The following PPP1R12B variants were observed in gnomAD, a reference collection of about 807,000 sequenced individuals.
PPP1R12B encodes myosin phosphatase target subunit 2.
Under a neutral mutation model 126.1 loss-of-function variants are expected in PPP1R12B, and 76 were observed. The observed-to-expected ratio is 0.60, with a 90% CI of 0.50 to 0.73. The LOEUF is 0.73. PPP1R12B is among the 30% of genes least tolerant of loss of function. The pLI, the probability that PPP1R12B is intolerant of heterozygous loss-of-function variation, is 0.00. For missense variants in PPP1R12B, 1,052 were observed against 1,205.1 expected, an observed-to-expected ratio of 0.87 and a Z score of 1.88; for synonymous variants, 356 against 434.7, an observed-to-expected ratio of 0.82 and a Z score of 2.25.
intron 18 of PPP1R12B, among the ~76,000 whole-genome samples, chr1:202,550,775 C>T (rs1686224872): frequency 1.3e-5 from 2 of 152,118 alleles, no homozygotes; most frequent in Admixed American, 6.5e-5. Flanking sequence ...GTGAAAGGCT[C>T]GATGGAAAAT....
chr1:202,464,921 G>C (rs746311506), intron 13 of PPP1R12B, among the ~76,000 whole-genome samples: 1 of 152,130 alleles, frequency 6.6e-6, no homozygotes. Flanking sequence ...GTTTAGGTAG[G>C]TATATTAAGA....
intron 13 of PPP1R12B, among the ~76,000 whole-genome samples, chr1:202,468,419 A>G (rs569689019): frequency 2.1e-4 from 32 of 152,196 alleles, no homozygotes; most frequent in African/African-American, 7.5e-4. Context: ...TAAGGAAGGG[A>G]TCCAGTTTCA....
At chr1:202,566,360 G>A (rs184031072) in intron 21 of PPP1R12B, among the ~76,000 whole-genome samples, 63 of 152,282 alleles carry the variant, frequency 4.1e-4, no homozygotes, top group African/African-American at 1.4e-3. Context: ...ATAAGAAATG[G>A]TGCTGCTACA....
At chr1:202,464,135 A>G (rs1674679060) in intron 13 of PPP1R12B, among the ~76,000 whole-genome samples, 1 of 152,160 alleles carries the variant, frequency 6.6e-6, no homozygotes. Flanking sequence ...TAAAACTAGT[A>G]TTCTGTCTTC....
At chr1:202,385,135 G>T (rs182299906) in intron 1 of PPP1R12B, among the ~76,000 whole-genome samples, 391 of 152,292 alleles carry the variant, frequency 2.6e-3, no homozygotes, top group Non-Finnish European at 4.4e-3. Context: ...TTTGGGGTTT[G>T]TGCATGACCA....
intron 13 of PPP1R12B, among the ~76,000 whole-genome samples, chr1:202,478,773 T>G (rs866437303): frequency 3.3e-5 from 5 of 152,302 alleles, no homozygotes; most frequent in South Asian, 2.1e-4. Context: ...AAAAGCAGTG[T>G]GATTTCACAT....
At chr1:202,403,794 T>C (rs1666183841) in intron 1 of PPP1R12B, among the ~76,000 whole-genome samples, 1 of 152,230 alleles carries the variant, frequency 6.6e-6, no homozygotes, top group Non-Finnish European at 1.5e-5. Context: ...TAAGACTTCC[T>C]TATATTCCCT....
chr1:202,460,797 A>G (rs1212991012), intron 13 of PPP1R12B, among the ~76,000 whole-genome samples: 1 of 152,216 alleles, frequency 6.6e-6, no homozygotes, highest in Non-Finnish European at 1.5e-5. Context: ...ACTCTGAACA[A>G]TTCTGGAATA....
intron 9 of PPP1R12B, among the ~76,000 whole-genome samples, chr1:202,436,453 A>G (rs1267614211): frequency 2.0e-5 from 3 of 152,072 alleles, no homozygotes; most frequent in Non-Finnish European, 4.4e-5. Context: ...GAAAATCTAT[A>G]TGTGAGTTGG....
At chr1:202,574,595 AC>A (rs1291143393) in intron 23 of PPP1R12B, among the ~76,000 whole-genome samples, 1 of 152,206 alleles carries the variant, frequency 6.6e-6, no homozygotes, top group Non-Finnish European at 1.5e-5. Context: ...ATTTAAGAAC[AC>A]ACCAAGTCCT....
At chr1:202,571,623 T>G (rs565960578) in intron 23 of PPP1R12B, among the ~76,000 whole-genome samples, 66 of 152,306 alleles carry the variant, frequency 4.3e-4, no homozygotes, top group African/African-American at 1.6e-3. Flanking sequence ...CCAGTTAATT[T>G]TTTTGTATTT....
chr1:202,369,038 G>C (rs1659773113), intron 1 of PPP1R12B, among the ~76,000 whole-genome samples: 1 of 152,180 alleles, frequency 6.6e-6, no homozygotes, highest in African/African-American at 2.4e-5. Flanking sequence ...TTTAGACACA[G>C]AGAATTCTAA....
intron 18 of PPP1R12B, among the ~76,000 whole-genome samples, chr1:202,528,678 T>C (rs1397207682): frequency 6.6e-6 from 1 of 152,176 alleles, no homozygotes; most frequent in Non-Finnish European, 1.5e-5. Context: ...TCCCCATAGC[T>C]GGCTGAAGAA....
In PPP1R12B at chr1:202,421,639, C is replaced by CA. The variant is rs573505484; in HGVS notation, c.423-970dup. Among the ~76,000 whole-genome samples the CA allele has an allele frequency of 9.7e-3, 1,050 of 108,008 alleles. 10 individuals are homozygous for CA. The highest frequency in any genetic ancestry group is 0.059 in the Middle Eastern group (11 of 188). The allele number at this position is 108,008 out of a possible 152,430, so 70.9% of individuals were successfully genotyped here. Reference sequence around the variant, plus strand: ...TGAGTGACAGACCAAGACTCTGTCTCAAAAAAAAAAACAAAAAAAAAAGGG... The same window carrying CA: ...TGAGTGACAGACCAAGACTCTGTCTCAAAAAAAAAAAACAAAAAAAAAAGGG... On this transcript the variant is annotated intron_variant, in intron 2 of 23. Transcript: ENST00000608999.
intron 5 of PPP1R12B, among the ~76,000 whole-genome samples, chr1:202,427,428 A>G (rs1669680281): frequency 6.6e-6 from 1 of 152,160 alleles, no homozygotes; most frequent in Non-Finnish European, 1.5e-5. Context: ...AACAGGAAAA[A>G]AATATATTTG....
chr1:202,392,871 T>A (rs1664348732), intron 1 of PPP1R12B, among the ~76,000 whole-genome samples: 1 of 152,126 alleles, frequency 6.6e-6, no homozygotes, highest in African/African-American at 2.4e-5. Context: ...TAAAATTGAC[T>A]GTGGTGATGG....
At chr1:202,569,082 G>T in intron 22 of PPP1R12B, 65 bp from the exon 23 acceptor site, 1 of 1,538,364 alleles carries the variant, frequency 6.5e-7, no homozygotes, top group South Asian at 1.1e-5. Flanking sequence ...ACAGCAGCTG[G>T]GAGGCAGCAT....
chr1:202,568,547 C>T (rs1394696713), intron 22 of PPP1R12B, among the ~76,000 whole-genome samples: 3 of 152,210 alleles, frequency 2.0e-5, no homozygotes, highest in Non-Finnish European at 4.4e-5. Context: ...TGTAACCAAA[C>T]TTCCTTGGTA....
chr1:202,443,916 A>G (rs1442017940), intron 12 of PPP1R12B, among the ~76,000 whole-genome samples: 2 of 152,208 alleles, frequency 1.3e-5, no homozygotes, highest in Admixed American at 1.3e-4. Flanking sequence ...CAGTGAAGGG[A>G]CAGGCTGCCT....
Sources: gnomAD v4.1 joint callset for allele counts (sites outside exome capture counted in the v4.1 genomes callset) on GRCh38, gnomAD v4.1.1 for gene constraint, MANE v1.5 for transcripts, NCBI Gene and HGNC (gene_info 2026-07-23, HGNC 2026-07-21) for gene names.